CELF2: variants seen among roughly 807,000 people sequenced by gnomAD.
CELF2 encodes the protein CUG triplet repeat RNA-binding protein 2.
Under a neutral mutation model 62.6 loss-of-function variants are expected in CELF2, and 8 were observed. The observed-to-expected ratio is 0.13, with a 90% CI of 0.07 to 0.23. The LOEUF (loss-of-function observed/expected upper bound fraction) is 0.23. Ranked by LOEUF, CELF2 falls within the 10% of genes least tolerant of loss-of-function variation. The probability of loss-of-function intolerance (pLI) is 1.00; values close to 1 mark genes in which losing one functional copy is unlikely to be tolerated. For synonymous variants in CELF2, 258 were observed against 250.0 expected (o/e 1.03, Z -0.30); for missense variants, 333 against 671.0 (o/e 0.50, Z 5.56).
chr10:10,960,373 T>C (rs1417101796), intron 2 of CELF2: 3 of 152,260 alleles, frequency 2.0e-5, no homozygotes, highest in Non-Finnish European at 2.9e-5. Context: ...GGTATTCACA[T>C]TTTTGGTCCA....
At chr10:10,649,343 G>A in the CELF2 span, among the ~76,000 whole-genome samples, 1 of 152,038 alleles carries the variant, frequency 6.6e-6, no homozygotes, top group Admixed American at 6.6e-5. Context: ...TAGCGGGCTG[G>A]GTTTTCTCTT....
At chr10:11,141,211 A>G (rs2061307658) in intron 1 of CELF2, among the ~76,000 whole-genome samples, 1 of 152,126 alleles carries the variant, frequency 6.6e-6, no homozygotes, top group Non-Finnish European at 1.5e-5. Flanking sequence ...GTGCCCCCTA[A>G]CCTATGCTGG....
chr10:10,850,919 C>T (rs2059344652), intron 1 of CELF2, among the ~76,000 whole-genome samples: 3 of 152,102 alleles, frequency 2.0e-5, no homozygotes, highest in Admixed American at 2.0e-4. Flanking sequence ...GATTCTCTTG[C>T]CTCATCCTCC....
chr10:10,664,548 G>A, the CELF2 span, among the ~76,000 whole-genome samples: 1 of 152,224 alleles, frequency 6.6e-6, no homozygotes, highest in Non-Finnish European at 1.5e-5. Flanking sequence ...TGAAAGTAGA[G>A]TTTGGGTAAA....
the CELF2 span, among the ~76,000 whole-genome samples, chr10:10,653,277 A>T: frequency 6.6e-6 from 1 of 151,774 alleles, no homozygotes; most frequent in Non-Finnish European, 1.5e-5. Flanking sequence ...GGGAGACTTT[A>T]ACACCCCACT....
rs1246068408 is a variant in CELF2, at chr10:11,290,737, T to A, written c.976+2185T>A. ...CCTTGACTGCTCTGTAAGAGGCTTC[T>A]TGCCCTTCAGAACACGCCGCTCGCT... On this transcript the variant is annotated intron_variant, in intron 9 of 12. Coordinates refer to ENST00000633077, the MANE Select transcript of CELF2 (RefSeq NM_001326342.2). This position sits in a 1 kb window ranked among gnomAD's most constrained non-coding sequence, Gnocchi z 4.3. Among the ~76,000 whole-genome samples the A allele has an allele frequency of 6.6e-6, 1 of 152,200 alleles. No individual in the cohort carries two copies. The highest frequency in any genetic ancestry group is 1.5e-5 in the Non-Finnish European group (1 of 68,046).
the CELF2 span, among the ~76,000 whole-genome samples, chr10:10,545,805 G>A: frequency 6.6e-6 from 1 of 152,170 alleles, no homozygotes; most frequent in African/African-American, 2.4e-5. Context: ...AGGGAGCAAA[G>A]CCACTCAGAA....
chr10:10,769,151 G>C, the CELF2 span, among the ~76,000 whole-genome samples: 3 of 152,092 alleles, frequency 2.0e-5, no homozygotes, highest in Admixed American at 6.6e-5. Context: ...GCTTGGTATT[G>C]TGCTACAGAA....
At chr10:11,128,995 T>C (rs1349753255) in intron 1 of CELF2, among the ~76,000 whole-genome samples, 1 of 152,230 alleles carries the variant, frequency 6.6e-6, no homozygotes, top group African/African-American at 2.4e-5. Context: ...GCCCATTCAG[T>C]ATGATATTGG....
intron 8 of CELF2, among the ~76,000 whole-genome samples, chr10:11,283,353 G>A (rs904263589): frequency 3.9e-5 from 6 of 152,196 alleles, no homozygotes; most frequent in Admixed American, 2.6e-4. Flanking sequence ...CAATCTGCTC[G>A]GGTACACAGA....
intron 2 of CELF2, among the ~76,000 whole-genome samples, chr10:11,197,198 C>G (rs2058187459): frequency 6.6e-6 from 1 of 151,928 alleles, no homozygotes. Context: ...GAAAAGAAAT[C>G]TCTGGTTGAA....
intron 1 of CELF2, among the ~76,000 whole-genome samples, chr10:11,041,512 C>T (rs755261518): frequency 8.5e-5 from 13 of 152,186 alleles, no homozygotes; most frequent in East Asian, 5.8e-4. Context: ...AAAGTTCTCA[C>T]GCCATCTTTT....
chr10:10,766,371 GT>G, the CELF2 span, among the ~76,000 whole-genome samples: 2 of 152,194 alleles, frequency 1.3e-5, no homozygotes, highest in East Asian at 3.9e-4. Context: ...CATAAAATGT[GT>G]CTGAGATGAC....
At chr10:10,911,439 G>A (rs947124093) in intron 1 of CELF2, among the ~76,000 whole-genome samples, 2 of 152,220 alleles carry the variant, frequency 1.3e-5, no homozygotes, top group Non-Finnish European at 2.9e-5. Flanking sequence ...AGATGATCAG[G>A]AAGAGGCTGT....
chr10:11,017,858 G>T (rs1202514255), upstream of CELF2: 2 of 747,254 alleles, frequency 2.7e-6, no homozygotes, highest in Non-Finnish European at 3.3e-6. This position sits in a 1 kb window ranked among gnomAD's most constrained non-coding sequence, Gnocchi z 5.5. Flanking sequence ...GGCGGCGGGC[G>T]CCCCGCGAGC....
At chr10:10,508,660 A>ATGTATGTG in the CELF2 span, among the ~76,000 whole-genome samples, 163 of 140,784 alleles carry the variant, frequency 1.2e-3, no homozygotes, top group African/African-American at 2.3e-3. Flanking sequence ...TCTTAAACAG[A>ATGTATGTG]TGTGTGTGTG....
At position 11,300,711 on chromosome 10, in the gene CELF2, C is replaced by T. The variant is rs2093634113; in HGVS notation, c.976+12159C>T. Among the ~76,000 whole-genome samples the T allele has an allele frequency of 6.6e-6, 1 of 152,346 alleles. No homozygotes were observed. Among genetic ancestry groups the T allele is most frequent in the African/African-American group, 2.4e-5 (1 of 41,578 alleles). On this transcript the variant is annotated intron_variant, in intron 9 of 12. Transcript: ENST00000633077. The surrounding 1 kb of genome is among the most constrained non-coding windows in gnomAD (Gnocchi z 5.5). ...CCTGTGTCATGGCTTAATTATCCTA[C>T]TTCCTCACAATCTTTTCCTGCGCAG...
chr10:11,154,015 G>C (rs545324552), intron 1 of CELF2, among the ~76,000 whole-genome samples: 1 of 152,322 alleles, frequency 6.6e-6, no homozygotes, highest in Admixed American at 6.5e-5. Flanking sequence ...GGGAAAGGCA[G>C]TTAGACAGAT....
chr10:10,663,523 T>A, the CELF2 span, among the ~76,000 whole-genome samples: 8 of 152,228 alleles, frequency 5.3e-5, no homozygotes, highest in South Asian at 6.2e-4. Context: ...AAAGAATGTT[T>A]ATGTCAGTAG....
Sources: gnomAD v4.1 joint callset for allele counts (sites outside exome capture counted in the v4.1 genomes callset) on GRCh38, gnomAD v4.1.1 for gene constraint, Gnocchi (gnomAD v3.1) non-coding constraint, MANE v1.5 for transcripts, NCBI Gene and HGNC (gene_info 2026-07-23, HGNC 2026-07-21) for gene names.